GPC5: variants seen among roughly 807,000 people sequenced by gnomAD.
The protein encoded by GPC5 is glypican 5, also known as glypican-5.
In GPC5, 47 loss-of-function variants were observed where a neutral mutation model predicts 53.9. That is an observed-to-expected ratio of 0.87 (90% confidence interval 0.69 to 1.11). The LOEUF is 1.11. GPC5 is among the 50% of genes most tolerant of loss of function. GPC5 has a pLI of 0.00. For missense variants in GPC5, 748 were observed against 713.1 expected (o/e 1.05, Z -0.56); for synonymous variants, 286 against 263.3 (o/e 1.09, Z -0.84).
intron 7 of GPC5, among the ~76,000 whole-genome samples, chr13:92,441,021 AT>A (rs746111537): frequency 1.3e-5 from 2 of 151,942 alleles, no homozygotes; most frequent in Non-Finnish European, 2.9e-5. Context: ...TATTCCTATG[AT>A]AGTTTTCTCT....
At position 91,432,207 on chromosome 13, in the gene GPC5, GTGTGTGT is replaced by G. The variant is rs1351331210; in HGVS notation, c.164-16553_164-16547del. ...CCACTGCTGCTGCTGCTGCTGCTGT[GTGTGTGT>G]GTGTGTGTGTGTGTGTGTGTGTGTG... On this transcript the variant is annotated intron_variant, in intron 1 of 7. Transcript: ENST00000377067. Among the ~76,000 whole-genome samples, 495 of 121,568 alleles carry G rather than the reference GTGTGTGT, an allele frequency of 4.1e-3. 4 individuals carry two copies. Among genetic ancestry groups the G allele is most frequent in the South Asian group, 5.1e-3 (19 of 3,738 alleles). 79.8% of individuals were successfully genotyped at this position (121,568 alleles called of 152,430 possible).
At chr13:92,030,877 G>T (rs1350625177) in intron 6 of GPC5, among the ~76,000 whole-genome samples, 1 of 152,134 alleles carries the variant, frequency 6.6e-6, no homozygotes, top group African/African-American at 2.4e-5. Flanking sequence ...GCTCTGCTGA[G>T]TTTTTTTCTT....
chr13:92,271,738 A>G (rs1020248202), intron 7 of GPC5, among the ~76,000 whole-genome samples: 13 of 152,170 alleles, frequency 8.5e-5, no homozygotes, highest in African/African-American at 2.9e-4. Flanking sequence ...CTAGAGATAA[A>G]TGAAAATGGT....
rs143847928 is a variant in GPC5 at position 92,495,312 on chromosome 13, T to C, written c.1561+350323T>C. On this transcript the variant is annotated intron_variant, in intron 7 of 7. Transcript: ENST00000377067. The stretch of plus-strand genomic sequence containing the variant: ...CTAAATTAGTTTGGGGAGGTGGAGG[T>C]AAATCTCAGCTTTGCTTTCTGCTGG... Among the ~76,000 whole-genome samples the C allele has an allele frequency of 3.0e-3, 454 of 152,290 alleles. 5 individuals carry two copies. Among genetic ancestry groups the C allele is most frequent in the African/African-American group, 0.011 (441 of 41,566 alleles).
chr13:91,558,301 C>T (rs565734613), intron 2 of GPC5, among the ~76,000 whole-genome samples: 2 of 151,790 alleles, frequency 1.3e-5, no homozygotes, highest in Non-Finnish European at 2.9e-5. Flanking sequence ...TACTTGGTCT[C>T]GGTATTAGTT....
intron 4 of GPC5, among the ~76,000 whole-genome samples, chr13:91,752,385 C>A (rs2140113203): frequency 6.6e-6 from 1 of 152,142 alleles, no homozygotes; most frequent in South Asian, 2.1e-4. Context: ...ACGCCTGGCC[C>A]CTGATTATTT....
intron 7 of GPC5, among the ~76,000 whole-genome samples, chr13:92,187,346 A>C (rs2042191539): frequency 6.6e-6 from 1 of 152,236 alleles, no homozygotes; most frequent in South Asian, 2.1e-4. Context: ...GAAATTGTTA[A>C]GGCATGTTGA....
At chr13:92,079,934 T>C (rs2041282462) in intron 6 of GPC5, among the ~76,000 whole-genome samples, 1 of 152,184 alleles carries the variant, frequency 6.6e-6, no homozygotes, top group South Asian at 2.1e-4. Flanking sequence ...GTATTTATTG[T>C]ATGCAAGTCT....
At chr13:92,489,069 AATT>A (rs1166118792) in intron 7 of GPC5, among the ~76,000 whole-genome samples, 1 of 152,216 alleles carries the variant, frequency 6.6e-6, no homozygotes, top group Non-Finnish European at 1.5e-5. Flanking sequence ...AGCACATAAT[AATT>A]TAATCAAGCT....
chr13:92,791,796 A>G (rs1876473432), intron 7 of GPC5, among the ~76,000 whole-genome samples: 1 of 152,114 alleles, frequency 6.6e-6, no homozygotes, highest in Non-Finnish European at 1.5e-5. Context: ...GTATAATTCA[A>G]TGATTTTTGG....
intron 7 of GPC5, among the ~76,000 whole-genome samples, chr13:92,387,146 C>A (rs1215610498): frequency 6.6e-6 from 1 of 152,028 alleles, no homozygotes; most frequent in African/African-American, 2.4e-5. Context: ...GGTGTGAAAG[C>A]AAATGCATTC....
intron 7 of GPC5, among the ~76,000 whole-genome samples, chr13:92,365,537 A>G (rs2043600900): frequency 6.6e-6 from 1 of 151,688 alleles, no homozygotes; most frequent in South Asian, 2.1e-4. Context: ...TTAATTTTTA[A>G]AACTTTTTGA....
intron 6 of GPC5, among the ~76,000 whole-genome samples, chr13:92,124,284 C>T (rs1455144802): frequency 7.0e-6 from 1 of 143,802 alleles, no homozygotes; most frequent in African/African-American, 2.6e-5. Flanking sequence ...CTAGTTCTCT[C>T]ATATTATTCT....
intron 7 of GPC5, among the ~76,000 whole-genome samples, chr13:92,657,827 A>G (rs1423726880): frequency 1.3e-5 from 2 of 152,068 alleles, no homozygotes; most frequent in African/African-American, 2.4e-5. Context: ...AACTCTTCAG[A>G]CTGTTACTAC....
intron 6 of GPC5, among the ~76,000 whole-genome samples, chr13:92,099,966 G>C (rs115890705): frequency 2.6e-5 from 4 of 152,044 alleles, no homozygotes; most frequent in African/African-American, 9.7e-5. Flanking sequence ...AAAGATCCTC[G>C]TGCTGACCAT....
intron 2 of GPC5, among the ~76,000 whole-genome samples, chr13:91,533,857 T>G (rs2138683322): frequency 6.6e-6 from 1 of 152,340 alleles, no homozygotes; most frequent in South Asian, 2.1e-4. Flanking sequence ...CTTCCAAGTC[T>G]GAATCAGAGA....
At chr13:92,771,967 T>C (rs997461880) in intron 7 of GPC5, among the ~76,000 whole-genome samples, 15 of 152,140 alleles carry the variant, frequency 9.9e-5, no homozygotes, top group Admixed American at 6.6e-5. Flanking sequence ...TCCAATTTCC[T>C]CACTCAGAAA....
chr13:92,377,723 C>T (rs1594145999), intron 7 of GPC5, among the ~76,000 whole-genome samples: 2 of 152,050 alleles, frequency 1.3e-5, no homozygotes, highest in Admixed American at 6.5e-5. Flanking sequence ...ATTAATAATG[C>T]TTTTTGTTTG....
At chr13:92,757,075 C>G (rs2139334007) in intron 7 of GPC5, among the ~76,000 whole-genome samples, 1 of 151,486 alleles carries the variant, frequency 6.6e-6, no homozygotes, top group East Asian at 1.9e-4. Context: ...TACCTGACTT[C>G]AAACTATACT....
Sources: gnomAD v4.1 joint callset for allele counts (sites outside exome capture counted in the v4.1 genomes callset) on GRCh38, gnomAD v4.1.1 for gene constraint, MANE v1.5 for transcripts, NCBI Gene and HGNC (gene_info 2026-07-23, HGNC 2026-07-21) for gene names.